B4GALT6: variants seen among roughly 807,000 people sequenced by gnomAD.
The protein encoded by B4GALT6 is UDP-Gal:beta-GlcNAc beta-1,4-galactosyltransferase 6.
In B4GALT6, 14 loss-of-function variants were observed where a neutral mutation model predicts 46.3. That is an observed-to-expected ratio of 0.30 (90% CI 0.20 to 0.47). B4GALT6 has a LOEUF of 0.47. B4GALT6 is among the 20% of genes least tolerant of loss of function. B4GALT6 has a pLI of 0.99. For missense variants in B4GALT6, 386 were observed against 480.1 expected, an observed-to-expected ratio of 0.80 and a Z score of 1.83; for synonymous variants, 168 against 162.0, an observed-to-expected ratio of 1.04 and a Z score of -0.28.
chr18:31,664,505 TG>T (rs2074260426), intron 2 of B4GALT6, among the ~76,000 whole-genome samples: 1 of 151,548 alleles, frequency 6.6e-6, no homozygotes, highest in African/African-American at 2.4e-5. Context: ...AACTATGACT[TG>T]GTGAGAGGAG....
intron 2 of B4GALT6, among the ~76,000 whole-genome samples, chr18:31,659,948 CCT>C (rs2074192052): frequency 7.1e-6 from 1 of 141,702 alleles, no homozygotes; most frequent in Non-Finnish European, 1.5e-5. Flanking sequence ...TGATTCTTTT[CCT>C]TTTTTTTTTT....
rs578258616 is a variant in B4GALT6 at position 31,650,881 on chromosome 18, G to A, written c.347-5402C>T. ...CCTCCCGGGTTCACACCATTCTCCT[G>A]CCTCACCCCCGAGTAGCTGGGACTA... On this transcript the variant is annotated intron_variant, in intron 3 of 8. Transcript: ENST00000306851. 7.2e-4 allele frequency among the ~76,000 whole-genome samples: 109 copies of A among 152,184 alleles called. 1 individual carries two copies. Among genetic ancestry groups the A allele is most frequent in the African/African-American group, 2.4e-3 (101 of 41,536 alleles).
At chr18:31,721,426 C>G in the B4GALT6 span, among the ~76,000 whole-genome samples, 8 of 152,142 alleles carry the variant, frequency 5.3e-5, no homozygotes, top group South Asian at 1.7e-3. Flanking sequence ...ACATTATAAA[C>G]CATCATGAAT....
chr18:31,638,625 C>CG lies in B4GALT6; in HGVS notation c.588+18_588+19insC, dbSNP rs754491624. ...TAGATTCTAGTATACTTAGTGACCA[C>CG]TATGAAAAGTATTCTCACCTGTTCA... On this transcript the variant is annotated intron_variant, in intron 5 of 8. Coordinates refer to ENST00000306851, the MANE Select transcript of B4GALT6 (RefSeq NM_004775.5). 6.5e-7 allele frequency: 1 copy of CG among 1,546,330 alleles called. No homozygotes were observed. The highest frequency in any genetic ancestry group is 8.9e-7 in the Non-Finnish European group (1 of 1,118,766).
the B4GALT6 span, among the ~76,000 whole-genome samples, chr18:31,701,572 T>A: frequency 6.3e-4 from 96 of 152,284 alleles, no homozygotes; most frequent in Non-Finnish European, 1.1e-3. Flanking sequence ...AATGCTAACA[T>A]CTGGAAGAAA....
chr18:31,646,672 T>G (rs904040792), intron 3 of B4GALT6, among the ~76,000 whole-genome samples: 3 of 152,196 alleles, frequency 2.0e-5, no homozygotes, highest in African/African-American at 7.2e-5. Flanking sequence ...TGGCCACAAT[T>G]TCATATAAAA....
intron 1 of B4GALT6, among the ~76,000 whole-genome samples, chr18:31,670,722 A>AC (rs1395327846): frequency 6.6e-6 from 1 of 152,042 alleles, no homozygotes; most frequent in East Asian, 1.9e-4. Flanking sequence ...CCAAATCCAA[A>AC]ACTTGCTTAT....
rs527626632 is a variant in B4GALT6, at chr18:31,646,946, G to A, written c.347-1467C>T. 3.9e-5 allele frequency among the ~76,000 whole-genome samples: 6 copies of A among 152,300 alleles called. No individual in the cohort carries two copies. The South Asian group carries it at 1.2e-3, about 32-fold the overall frequency. On this transcript the variant is annotated intron_variant, in intron 3 of 8. Transcript: ENST00000306851. ...TAACCAAACACTCAGCCTTCAGCGTGACAAGATACACAAACTAGCTAATCT... is the reference window on the plus strand; with the variant it reads ...TAACCAAACACTCAGCCTTCAGCGTAACAAGATACACAAACTAGCTAATCT...
intron 1 of B4GALT6, among the ~76,000 whole-genome samples, chr18:31,675,163 T>G (rs991322376): frequency 1.3e-5 from 2 of 152,216 alleles, no homozygotes; most frequent in Admixed American, 1.3e-4. Context: ...GTCTTTACAA[T>G]TTCCACTCTG....
In B4GALT6 at chr18:31,629,651, T is replaced by C. The variant is rs567642145; in HGVS notation, c.776+1308A>G. On this transcript the variant is annotated intron_variant, in intron 6 of 8. Transcript: ENST00000306851. ...GATCACAAGGTCAGGAGATCAAGAC[T>C]ATCTTGGCTAACACAGTGAAACCCC... Among the ~76,000 whole-genome samples the C allele has an allele frequency of 5.8e-4, 87 of 150,210 alleles. No homozygotes were observed. The East Asian group carries it at 0.01, about 17-fold the overall frequency.
chr18:31,635,710 C>T (rs1280306000), intron 5 of B4GALT6, among the ~76,000 whole-genome samples: 5 of 152,046 alleles, frequency 3.3e-5, no homozygotes, highest in Non-Finnish European at 5.9e-5. Flanking sequence ...TCCAGCTACT[C>T]GAGAGGCTGA....
chr18:31,723,128 T>C, the B4GALT6 span, among the ~76,000 whole-genome samples: 2 of 152,234 alleles, frequency 1.3e-5, no homozygotes, highest in Admixed American at 6.5e-5. Flanking sequence ...ATAGCATACA[T>C]ATTTCCACCA....
At position 31,625,497 on chromosome 18, in the gene B4GALT6, T is replaced by C; in HGVS notation, c.*117A>G. The C allele has an allele frequency of 8.8e-7, 1 of 1,135,800 alleles. No individual in the cohort carries two copies. Among genetic ancestry groups the C allele is most frequent in the Non-Finnish European group, 1.3e-6 (1 of 771,726 alleles). 70.4% of individuals were successfully genotyped at this position (1,135,800 alleles called of 1,614,324 possible). A position where few individuals can be genotyped will look rare whatever the true frequency, so the allele number is the denominator to read the frequency against. The stretch of plus-strand genomic sequence containing the variant: ...CCACTCTGTAAACACTGTGGACTGC[T>C]GGCTCTTCTCAGAGAAAAGGGCACT... On this transcript the variant is annotated 3_prime_UTR_variant, in exon 9 of 9. Transcript: ENST00000306851.
chr18:31,695,954 T>C, the B4GALT6 span, among the ~76,000 whole-genome samples: 1 of 152,102 alleles, frequency 6.6e-6, no homozygotes, highest in East Asian at 1.9e-4. Flanking sequence ...AAAAAGAACA[T>C]GACATATGAA....
upstream of B4GALT6, among the ~76,000 whole-genome samples, chr18:31,689,350 A>C (rs538343055): frequency 6.6e-6 from 1 of 152,166 alleles, no homozygotes; most frequent in Non-Finnish European, 1.5e-5. Context: ...AGGGCAGACA[A>C]GGAGAAGCAA....
rs139139099 is a variant in B4GALT6 at position 31,623,951 on chromosome 18, C to G, written c.*1663G>C. 5.6e-4 allele frequency: 85 copies of G among 152,090 alleles called. No individual in the cohort carries two copies. The highest frequency in any genetic ancestry group is 1.9e-3 in the African/African-American group (81 of 41,556). The allele number at this position is 152,090 out of a possible 1,614,324, so 9.4% of individuals were successfully genotyped here. On this transcript the variant is annotated 3_prime_UTR_variant, in exon 9 of 9. Coordinates refer to ENST00000306851, the MANE Select transcript of B4GALT6 (RefSeq NM_004775.5). ...TCATATATAGATTTCTATTGCTCAT[C>G]ATTGTTGTTGAACATTCACTTTATA...
intron 2 of B4GALT6, among the ~76,000 whole-genome samples, chr18:31,661,760 GA>G (rs983908543): frequency 1.3e-5 from 2 of 151,872 alleles, no homozygotes; most frequent in South Asian, 2.1e-4. Flanking sequence ...AAATACAAAA[GA>G]AAAAAAAGTA....
chr18:31,673,706 C>G (rs891691503), intron 1 of B4GALT6, among the ~76,000 whole-genome samples: 1 of 152,140 alleles, frequency 6.6e-6, no homozygotes, highest in East Asian at 1.9e-4. Context: ...TTAATTCTTA[C>G]AACCACCTGG....
intron 1 of B4GALT6, among the ~76,000 whole-genome samples, chr18:31,676,236 C>A (rs747657349): frequency 6.6e-6 from 1 of 152,110 alleles, no homozygotes; most frequent in Non-Finnish European, 1.5e-5. Context: ...CATATTAACA[C>A]TTGCCTCAAA....
Sources: gnomAD v4.1 joint callset for allele counts (sites outside exome capture counted in the v4.1 genomes callset) on GRCh38, gnomAD v4.1.1 for gene constraint, MANE v1.5 for transcripts, NCBI Gene and HGNC (gene_info 2026-07-23, HGNC 2026-07-21) for gene names.